MED13L: variants seen among roughly 807,000 people sequenced by gnomAD.
MED13L encodes the protein mediator complex subunit 13L.
A neutral mutation model predicts 220.9 loss-of-function variants in MED13L; 7 were observed. The ratio of observed to expected loss-of-function variants is 0.03; its 90% CI spans 0.02 to 0.06. MED13L has a LOEUF of 0.06. Among genes scored for constraint, MED13L ranks in the 10% least tolerant of loss-of-function variants. The pLI, the probability that MED13L is intolerant of heterozygous loss-of-function variation, is 1.00. For missense variants in MED13L, 1,965 were observed against 2,760.5 expected (o/e 0.71, Z 6.46); for synonymous variants, 1,011 against 1,015.2 (o/e 1.00, Z 0.08).
chr12:116,123,979 A>G (rs1875318860), intron 2 of MED13L, among the ~76,000 whole-genome samples: 1 of 152,206 alleles, frequency 6.6e-6, no homozygotes, highest in East Asian at 1.9e-4. Context: ...TAGACAGGGG[A>G]AAACTGTAAT....
intron 25 of MED13L, among the ~76,000 whole-genome samples, chr12:115,972,758 T>G (rs1646062181): frequency 6.6e-6 from 1 of 152,134 alleles, no homozygotes; most frequent in South Asian, 2.1e-4. Context: ...CGAGTGTGAG[T>G]GAAGTGCTCC....
chr12:116,044,468 G>A (rs1881714232), intron 4 of MED13L, among the ~76,000 whole-genome samples: 1 of 152,182 alleles, frequency 6.6e-6, no homozygotes, highest in African/African-American at 2.4e-5. Context: ...TTTAAGACCA[G>A]CTCTGTGATA....
At chr12:116,179,337 C>T (rs548407082) in intron 2 of MED13L, among the ~76,000 whole-genome samples, 20 of 152,000 alleles carry the variant, frequency 1.3e-4, no homozygotes, top group African/African-American at 4.3e-4. Flanking sequence ...GGGCCAGGCA[C>T]GGTGGCTCAC....
chr12:115,984,489 G>C (rs916668883), intron 19 of MED13L, 117 bp from the exon 20 acceptor site: 64 of 1,149,670 alleles, frequency 5.6e-5, no homozygotes, highest in Non-Finnish European at 7.6e-5. Flanking sequence ...TTTTCTTTTA[G>C]GGTTATCACA....
At chr12:115,996,154 G>A (rs922578233) in intron 16 of MED13L, among the ~76,000 whole-genome samples, 32 of 151,670 alleles carry the variant, frequency 2.1e-4, no homozygotes, top group African/African-American at 7.0e-4. Flanking sequence ...GCAGTGGCGC[G>A]ATCTTGGCTC....
intron 2 of MED13L, among the ~76,000 whole-genome samples, chr12:116,224,223 G>A (rs1260301463): frequency 2.0e-5 from 3 of 152,066 alleles, no homozygotes; most frequent in African/African-American, 7.2e-5. Flanking sequence ...GCTCCAAGAG[G>A]CCCAAATGTT....
chr12:115,984,269 C>T lies in MED13L; in HGVS notation c.4442G>A (p.Ser1481Asn), dbSNP rs1296045737. Residue 1481 changes from serine to asparagine, a missense_variant, in exon 20 of 31, where the codon AGT becomes AAT. Physicochemically the swap from Ser to Asn is conservative, Grantham distance 46. This residue lies in a region of MED13L where 510 missense variants were observed against 620.4 expected (regional missense o/e 0.82). Transcript: ENST00000281928. ...VAQKLTDELV[S>N]EWFNQPWSGE... ...GCTCCAAGGCTGGTTAAACCACTCA[C>T]TCACAAGCTCATCTGTCAGCTTCTG... 6.2e-7 allele frequency: 1 copy of T among 1,614,086 alleles called. No homozygotes were observed.
chr12:116,051,362 A>G (rs1399757598), intron 4 of MED13L, among the ~76,000 whole-genome samples: 2 of 152,192 alleles, frequency 1.3e-5, no homozygotes, highest in East Asian at 3.9e-4. Flanking sequence ...TTTAAACTAG[A>G]AATACAGTTT....
intron 3 of MED13L, 39 bp downstream of exon 3, chr12:116,111,389 G>T (rs771037078): frequency 2.0e-6 from 3 of 1,522,766 alleles, no homozygotes; most frequent in Admixed American, 1.7e-5. Flanking sequence ...CAATATACTT[G>T]GTTGTCTGCA....
intron 4 of MED13L, among the ~76,000 whole-genome samples, chr12:116,031,182 T>A (rs889556261): frequency 4.6e-5 from 7 of 152,148 alleles, no homozygotes; most frequent in Non-Finnish European, 1.0e-4. Flanking sequence ...GAAGAATCCC[T>A]TTTAAAAAAT....
chr12:115,963,625 A>T (rs1235667385), intron 29 of MED13L, 106 bp from the exon 30 acceptor site: 1 of 826,300 alleles, frequency 1.2e-6, no homozygotes, highest in East Asian at 2.6e-5. Context: ...AGTCCGTAGA[A>T]GTCAGGGTTT....
intron 3 of MED13L, among the ~76,000 whole-genome samples, chr12:116,099,263 C>A (rs1872864412): frequency 6.6e-6 from 1 of 152,200 alleles, no homozygotes; most frequent in Admixed American, 6.5e-5. Context: ...TTTCCCAATT[C>A]TTTCCTTATT....
chr12:116,222,549 A>C (rs934962243), intron 2 of MED13L, among the ~76,000 whole-genome samples: 1 of 152,202 alleles, frequency 6.6e-6, no homozygotes, highest in Non-Finnish European at 1.5e-5. Context: ...CCTGGCCAGG[A>C]AAGTCTGACT....
At chr12:116,007,824 A>T in intron 10 of MED13L, 188 bp from the exon 11 acceptor site, 1 of 598,784 alleles carries the variant, frequency 1.7e-6, no homozygotes, top group Non-Finnish European at 2.9e-6. Flanking sequence ...TGGGTCCATC[A>T]ATTCCACTTA....
chr12:116,053,567 A>AT (rs1176006528), intron 4 of MED13L, among the ~76,000 whole-genome samples: 1 of 152,158 alleles, frequency 6.6e-6, no homozygotes, highest in African/African-American at 2.4e-5. Context: ...TGTTTTAAAT[A>AT]TATCCTTAAT....
chr12:116,190,395 T>A (rs1409979646), intron 2 of MED13L, among the ~76,000 whole-genome samples: 1 of 152,246 alleles, frequency 6.6e-6, no homozygotes, highest in Admixed American at 6.5e-5. Context: ...AATTAATGAA[T>A]TATTGCTTTG....
At chr12:116,190,807 T>C (rs1881222355) in intron 2 of MED13L, among the ~76,000 whole-genome samples, 1 of 152,118 alleles carries the variant, frequency 6.6e-6, no homozygotes. Flanking sequence ...CCTTGAGGAC[T>C]GGGGCTGCAC....
chr12:116,138,915 T>G (rs1876818333), intron 2 of MED13L, among the ~76,000 whole-genome samples: 1 of 152,210 alleles, frequency 6.6e-6, no homozygotes, highest in Non-Finnish European at 1.5e-5. Context: ...CAAACCTCCC[T>G]TAAGTGCCTA....
chr12:116,174,125 T>G (rs1332683226), intron 2 of MED13L, among the ~76,000 whole-genome samples: 2 of 151,954 alleles, frequency 1.3e-5, no homozygotes, highest in East Asian at 3.9e-4. Context: ...ACTCAAAAAC[T>G]TAACCCCAAA....
Sources: allele counts gnomAD v4.1 joint callset (sites outside exome capture counted in the v4.1 genomes callset), GRCh38; gene constraint gnomAD v4.1.1; regional missense constraint gnomAD v4.1.1; transcripts MANE v1.5; gene names NCBI Gene and HGNC (gene_info 2026-07-23, HGNC 2026-07-21).